HBE1: variants seen among roughly 807,000 people sequenced by gnomAD.
HBE1 encodes hemoglobin subunit epsilon 1, also known as hemoglobin subunit epsilon.
HBE1 carries 10 observed loss-of-function variants against 12.1 expected under a neutral mutation model. That is an observed-to-expected ratio of 0.83 (90% CI 0.51 to 1.40). HBE1 has a LOEUF of 1.40. HBE1 is among the 40% of genes most tolerant of loss of function. The pLI is 0.00. For synonymous variants in HBE1, 78 were observed against 70.4 expected, an observed-to-expected ratio of 1.11 and a Z score of -0.54; for missense variants, 172 against 175.8, an observed-to-expected ratio of 0.98 and a Z score of 0.12.
At chr11:5,269,727 G>A (rs1409691548) in intron 1 of HBE1, 51 bp from the exon 2 acceptor site, 2 of 1,574,454 alleles carry the variant, frequency 1.3e-6, no homozygotes, top group Admixed American at 1.7e-5. Flanking sequence ...AAAAAATCTT[G>A]AGGACTTTCC....
At position 5,268,594 on chromosome 11, in the gene HBE1, G is replaced by C. The variant is rs943674466; in HGVS notation, c.319C>G (p.Leu107Val). ...LHVDPENFKL[L>V]GNVMVIILAT... ...AGAATAATCACCATCACGTTACCCA[G>C]GAGCTGTTAGGCAAAAGACAAAATA... Residue 107 changes from leucine to valine, a missense_variant, in exon 3 of 3, where the codon CTG becomes GTG. Coordinates refer to ENST00000396895, the MANE Select transcript of HBE1 (RefSeq NM_005330.4). The C allele has an allele frequency of 1.2e-6, 2 of 1,613,466 alleles. No individual in the cohort carries two copies. Among genetic ancestry groups the C allele is most frequent in the Non-Finnish European group, 8.5e-7 (1 of 1,179,580 alleles).
intron 2 of HBE1, among the ~76,000 whole-genome samples, chr11:5,268,932 T>G (rs1848162451): frequency 6.6e-6 from 1 of 152,184 alleles, no homozygotes; most frequent in Non-Finnish European, 1.5e-5. Flanking sequence ...CTGCAAGAGT[T>G]CTCAGCGGGA....
intron 1 of HBE1, 57 bp downstream of exon 1, chr11:5,269,742 C>T (rs982623946): frequency 3.2e-5 from 51 of 1,570,058 alleles, no homozygotes; most frequent in Non-Finnish European, 4.3e-5. Context: ...CTTTCCCAAT[C>T]AACTTGCTAG....
Position 5,268,405 on chromosome 11 carries a change from C to G in HBE1, c.*64G>C. 6.7e-7 allele frequency: 1 copy of G among 1,499,062 alleles called. No individual in the cohort carries two copies. The highest frequency in any genetic ancestry group is 2.3e-5 in the East Asian group (1 of 43,860). The allele number at this position is 1,499,062 out of a possible 1,614,324, so 92.9% of individuals were successfully genotyped here. ...AGAAGGCTTTCTCTCAAGGCCAAGC[C>G]CAGTCCCCATGTGCAGAAGGAGGGT... On this transcript the variant is annotated 3_prime_UTR_variant, in exon 3 of 3. Transcript: ENST00000396895.
chr11:5,268,579 C>G lies in HBE1; in HGVS notation c.334G>C (p.Val112Leu), dbSNP rs750489773. Residue 112 changes from valine to leucine, a missense_variant, in exon 3 of 3, where the codon GTG (valine) becomes CTG (leucine). Coordinates refer to ENST00000396895, the MANE Select transcript of HBE1 (RefSeq NM_005330.4). ...CCAAAGTGAGTAGCCAGAATAATCA[C>G]CATCACGTTACCCAGGAGCTGTTAG... is the stretch of plus-strand genomic sequence containing the variant. ...ENFKLLGNVM[V>L]IILATHFGKE... 4 of 1,613,750 alleles carry G rather than the reference C, an allele frequency of 2.5e-6. No homozygotes were observed. The highest frequency in any genetic ancestry group is 3.4e-6 in the Non-Finnish European group (4 of 1,179,694).
At chr11:5,269,698 G>T (rs1848170954) in intron 1 of HBE1, 22 bp from the exon 2 acceptor site, 5 of 1,590,012 alleles carry the variant, frequency 3.1e-6, no homozygotes, top group Admixed American at 3.4e-5. Context: ...CACCATATCA[G>T]ATACAAAATT....
rs768474534 is a variant in HBE1 at position 5,269,468 on chromosome 11, G to A, written c.301C>T (p.Pro101Ser). The change falls in exon 2 of 3, where the codon CCT becomes TCT. Residue 101 changes from proline to serine, a missense_variant. Pro to Ser is a moderately conservative substitution (Grantham distance 74, BLOSUM62 -1). Coordinates refer to ENST00000396895, the MANE Select transcript of HBE1 (RefSeq NM_005330.4). Reference sequence around the variant, plus strand: ...CCTGAACTCACCTTGAAGTTCTCAGGATCCACATGCAGCTTGTCACAGTGC... The same window carrying A: ...CCTGAACTCACCTTGAAGTTCTCAGAATCCACATGCAGCTTGTCACAGTGC... ...ELHCDKLHVD[P>S]ENFKLLGNVM... is the part of the protein sequence containing the mutation. 9.3e-6 allele frequency: 15 copies of A among 1,613,148 alleles called. No homozygotes were observed. In the South Asian group the frequency reaches 1.4e-4, roughly 15 times the overall value.
Position 5,269,789 on chromosome 11 carries a change from C to T in HBE1, c.92+10G>A. On this transcript the variant is annotated intron_variant, in intron 1 of 2. Coordinates refer to ENST00000396895, the MANE Select transcript of HBE1 (RefSeq NM_005330.4). ...CCCTTCATTCCCATGCATTGAGAAC[C>T]AATGCTTACCTGCCCAAGGCTTCAC... The T allele has an allele frequency of 6.2e-7, 1 of 1,606,358 alleles. No homozygotes were observed. The highest frequency in any genetic ancestry group is 8.5e-7 in the Non-Finnish European group (1 of 1,173,004).
intron 1 of HBE1, 46 bp from the exon 2 acceptor site, chr11:5,269,722 A>T: frequency 6.3e-7 from 1 of 1,579,152 alleles, no homozygotes; most frequent in South Asian, 1.1e-5. Flanking sequence ...GATGCAAAAA[A>T]TCTTGAGGAC....
rs777489372 is a variant in HBE1 at position 5,269,827 on chromosome 11, C to G, written c.64G>C (p.Glu22Gln). 2.5e-6 allele frequency: 4 copies of G among 1,613,676 alleles called. No individual in the cohort carries two copies. Among genetic ancestry groups the G allele is most frequent in the African/African-American group, 1.3e-5 (1 of 74,922 alleles). The change falls in exon 1 of 3, where the codon GAA becomes CAA. Residue 22 changes from glutamate to glutamine, a missense_variant. Physicochemically the swap from Glu to Gln is conservative, Grantham distance 29. Transcript: ENST00000396895. ...VTSLWSKMNV[E>Q]EAGGEALGRL... is the part of the protein sequence containing the mutation. The stretch of plus-strand genomic sequence containing the variant: ...CCCAAGGCTTCACCTCCAGCCTCTT[C>G]CACATTCATCTTGCTCCACAGGCTA...
rs1202285732 is a variant in HBE1 at position 5,269,873 on chromosome 11, A to G, written c.18T>C (p.Ala6=). Residue 6 remains alanine (A), a synonymous_variant, in exon 1 of 3, where the codon GCT becomes GCC. Coordinates refer to ENST00000396895, the MANE Select transcript of HBE1 (RefSeq NM_005330.4). The part of the protein sequence containing the change: MVHFT[A]EEKAAVTSLW... ...GGCTAGTGACGGCAGCCTTCTCCTC[A>G]GCAGTAAAATGCACCATGATGCCAG... The G allele has an allele frequency of 6.2e-7, 1 of 1,613,454 alleles. No homozygotes were observed. The highest frequency in any genetic ancestry group is 8.5e-7 in the Non-Finnish European group (1 of 1,179,564).
chr11:5,268,512 A>T lies in HBE1; in HGVS notation c.401T>A (p.Leu134Gln). 1 of 1,613,788 alleles carries T rather than the reference A, an allele frequency of 6.2e-7. No individual in the cohort carries two copies. Among genetic ancestry groups the T allele is most frequent in the Admixed American group, 1.7e-5 (1 of 59,982 alleles). ...CAGGGCAATGGCGACAGCAGACACC[A>T]GCTTCTGCCAGGCAGCCTGCACTTC... is the stretch of plus-strand genomic sequence containing the variant. ...TPEVQAAWQK[L>Q]VSAVAIALAH... Residue 134 changes from leucine to glutamine, a missense_variant, in exon 3 of 3, where the codon CTG becomes CAG. Coordinates refer to ENST00000396895, the MANE Select transcript of HBE1 (RefSeq NM_005330.4).
In HBE1 at chr11:5,269,945, T is replaced by A; in HGVS notation, c.-55A>T. On this transcript the variant is annotated 5_prime_UTR_variant, in exon 1 of 3. Transcript: ENST00000396895. The stretch of plus-strand genomic sequence containing the variant: ...TGCAGCTGTGTCGGAAGCAGATATG[T>A]GCTGCTGCCTCTCTGTCTGGCCTTT... The A allele has an allele frequency of 8.1e-7, 1 of 1,231,062 alleles. No individual in the cohort carries two copies. Among genetic ancestry groups the A allele is most frequent in the Non-Finnish European group, 1.2e-6 (1 of 836,856 alleles). The allele number at this position is 1,231,062 out of a possible 1,614,324, so 76.3% of individuals were successfully genotyped here.
At position 5,269,878 on chromosome 11, in the gene HBE1, T is replaced by G. The variant is rs748443599; in HGVS notation, c.13A>C (p.Thr5Pro). The change falls in exon 1 of 3, where the codon ACT becomes CCT. Residue 5 changes from threonine (T) to proline (P), a missense_variant. By Grantham distance (38) the Thr-to-Pro change is conservative. Transcript: ENST00000396895. ...GTGACGGCAGCCTTCTCCTCAGCAG[T>G]AAAATGCACCATGATGCCAGGCCTG... is the stretch of plus-strand genomic sequence containing the variant. MVHFTAEEKAAVTSL... is the reference protein window; with the variant it reads MVHFPAEEKAAVTSL... 6.2e-7 allele frequency: 1 copy of G among 1,612,782 alleles called. No individual in the cohort carries two copies. The highest frequency in any genetic ancestry group is 1.3e-5 in the African/African-American group (1 of 74,892).
At position 5,269,437 on chromosome 11, in the gene HBE1, C is replaced by A; in HGVS notation, c.315+17G>T. 6.4e-7 allele frequency: 1 copy of A among 1,569,644 alleles called. No individual in the cohort carries two copies. The highest frequency in any genetic ancestry group is 8.8e-7 in the Non-Finnish European group (1 of 1,139,474). On this transcript the variant is annotated intron_variant, in intron 2 of 2. Coordinates refer to ENST00000396895, the MANE Select transcript of HBE1 (RefSeq NM_005330.4). ...AATATAAAGCCAAAAAATCACATCACCAGCACCTGAACTCACCTTGAAGTT... is the reference window on the plus strand; with the variant it reads ...AATATAAAGCCAAAAAATCACATCAACAGCACCTGAACTCACCTTGAAGTT...
intron 2 of HBE1, 74 bp downstream of exon 2, chr11:5,269,380 C>T: frequency 1.9e-6 from 2 of 1,073,398 alleles, no homozygotes; most frequent in Non-Finnish European, 1.5e-6. Context: ...GTTGGTCTTT[C>T]CAATAAGATT....
rs201004561 is a variant in HBE1, at chr11:5,269,712, G to A, written c.93-36C>T. The stretch of plus-strand genomic sequence containing the variant: ...ACACCATATCAGATACAAAATTAGA[G>A]ATGCAAAAAATCTTGAGGACTTTCC... On this transcript the variant is annotated intron_variant, in intron 1 of 2. Transcript: ENST00000396895. 113 of 1,580,180 alleles carry A rather than the reference G, an allele frequency of 7.2e-5. 1 individual carries two copies. In the Middle Eastern group the frequency reaches 1.5e-3, roughly 21 times the overall value.
Position 5,268,539 on chromosome 11 carries a change from G to A in HBE1, c.374C>T (p.Pro125Leu), listed in dbSNP as rs1437365902. The change falls in exon 3 of 3, where the codon CCT becomes CTT. Residue 125 changes from proline (P) to leucine (L), a missense_variant. By Grantham distance (98) the Pro-to-Leu change is moderately conservative (BLOSUM62 -3). Transcript: ENST00000396895. ...LATHFGKEFTPEVQAAWQKLV... is the reference protein window; with the variant it reads ...LATHFGKEFTLEVQAAWQKLV... ...CTTCTGCCAGGCAGCCTGCACTTCA[G>A]GGGTGAACTCCTTGCCAAAGTGAGT... 3 of 1,613,824 alleles carry A rather than the reference G, an allele frequency of 1.9e-6. No homozygotes were observed. Among genetic ancestry groups the A allele is most frequent in the South Asian group, 1.1e-5 (1 of 91,078 alleles).
At position 5,269,670 on chromosome 11, in the gene HBE1, G is replaced by A. The variant is rs752260505; in HGVS notation, c.99C>T (p.Leu33=). 2.3e-5 allele frequency: 37 copies of A among 1,611,374 alleles called. No individual in the cohort carries two copies. The African/African-American group carries it at 2.8e-4, about 12-fold the overall frequency. The change falls in exon 2 of 3, where the codon CTC becomes CTT. Residue 33 remains leucine (L), a synonymous_variant. Transcript: ENST00000396895. ...ATCTCTGGGTCCAGGGGTAAACAAC[G>A]AGGAGTCTATGAAATGACACCATAT... ...EAGGEALGRL[L]VVYPWTQRFF... is the part of the protein sequence containing the mutation.
Sources: allele counts gnomAD v4.1 joint callset (sites outside exome capture counted in the v4.1 genomes callset), GRCh38; gene constraint gnomAD v4.1.1; transcripts MANE v1.5; gene names NCBI Gene and HGNC (gene_info 2026-07-23, HGNC 2026-07-21).